ZNF420: variants seen among roughly 807,000 people sequenced by gnomAD.
ZNF420 encodes the protein ATM and p53-associated KZNF protein.
ZNF420 carries 31 observed loss-of-function variants against 44.7 expected under a neutral mutation model. The observed-to-expected ratio is 0.69, with a 90% CI of 0.52 to 0.94. The LOEUF is 0.94. ZNF420 is among the 40% of genes least tolerant of loss of function. The probability of loss-of-function intolerance (pLI) is 0.00; values close to 1 mark genes in which losing one functional copy is unlikely to be tolerated. For synonymous variants in ZNF420, 245 were observed against 267.4 expected, an observed-to-expected ratio of 0.92 and a Z score of 0.82; for missense variants, 681 against 827.9, an observed-to-expected ratio of 0.82 and a Z score of 2.18.
intron 1 of ZNF420, among the ~76,000 whole-genome samples, chr19:37,012,912 T>G (rs2074582960): frequency 6.6e-6 from 1 of 152,034 alleles, no homozygotes; most frequent in Non-Finnish European, 1.5e-5. Context: ...GACGAAAATG[T>G]CTTGTGCACC....
intron 1 of ZNF420, among the ~76,000 whole-genome samples, chr19:37,014,569 C>T (rs183755504): frequency 6.6e-6 from 1 of 152,202 alleles, no homozygotes; most frequent in African/African-American, 2.4e-5. Flanking sequence ...TTGTCGCAAG[C>T]AGCCTCCTCC....
At chr19:37,111,285 T>C (rs1970375429) in intron 4 of ZNF420, among the ~76,000 whole-genome samples, 1 of 152,228 alleles carries the variant, frequency 6.6e-6, no homozygotes, top group Non-Finnish European at 1.5e-5. Context: ...CGGGTTAATA[T>C]TCTTTTACTA....
At position 37,130,025 on chromosome 19, in the gene ZNF420, T is replaced by G. The variant is rs181560082; in HGVS notation, c.*967T>G. The G allele has an allele frequency of 1.0e-5, 16 of 1,531,258 alleles. No individual in the cohort carries two copies. The African/African-American group carries it at 2.2e-4, about 21-fold the overall frequency. 94.9% of individuals were successfully genotyped at this position (1,531,258 alleles called of 1,614,324 possible). ...CTTTTTTAGTAACAAATTTCTGGGC[T>G]GAAAATCTCAGCCTTCCTTGCAGGT... On this transcript the variant is annotated 3_prime_UTR_variant, in exon 5 of 5. Coordinates refer to ENST00000337995, the MANE Select transcript of ZNF420 (RefSeq NM_144689.5).
At chr19:37,081,108 A>C (rs1009472672) in intron 2 of ZNF420, among the ~76,000 whole-genome samples, 3 of 150,724 alleles carry the variant, frequency 2.0e-5, no homozygotes, top group African/African-American at 7.3e-5. Context: ...CATTTATTCT[A>C]CCTTCAGTTC....
chr19:37,110,031 G>C (rs1431271702), intron 4 of ZNF420, among the ~76,000 whole-genome samples: 8 of 152,134 alleles, frequency 5.3e-5, no homozygotes, highest in Admixed American at 5.2e-4. Context: ...CCTGTTGTAT[G>C]TGTAATTTTC....
At chr19:37,045,474 AC>A (rs1049020673) in intron 1 of ZNF420, among the ~76,000 whole-genome samples, 1 of 152,206 alleles carries the variant, frequency 6.6e-6, no homozygotes, top group Non-Finnish European at 1.5e-5. Context: ...GCATCCTATG[AC>A]CTCAGGCTGA....
chr19:37,015,148 CTGTG>C (rs201500365), intron 1 of ZNF420, among the ~76,000 whole-genome samples: 6 of 152,174 alleles, frequency 3.9e-5, no homozygotes, highest in Non-Finnish European at 8.8e-5. Context: ...GTGTTTCTTT[CTGTG>C]TGTGTGTGGT....
At chr19:37,090,205 C>A (rs1328387394) in intron 3 of ZNF420, among the ~76,000 whole-genome samples, 1 of 152,110 alleles carries the variant, frequency 6.6e-6, no homozygotes, top group Non-Finnish European at 1.5e-5. Flanking sequence ...GTTCTGTATG[C>A]AGAAAATATG....
intron 4 of ZNF420, chr19:37,092,516 C>G (rs1056266255): frequency 6.6e-6 from 1 of 152,020 alleles, no homozygotes; most frequent in Non-Finnish European, 1.5e-5. Context: ...AGTTCGAGAC[C>G]AGCCTGACCA....
chr19:37,026,387 C>A (rs7255241), intron 1 of ZNF420, among the ~76,000 whole-genome samples: 48,548 of 149,332 alleles, frequency 0.33, 8,052 homozygotes, highest in Non-Finnish European at 0.35. Context: ...ATGGGGTGAT[C>A]TGGGCTCACT....
At chr19:37,083,505 A>G (rs1209501884) in intron 2 of ZNF420, among the ~76,000 whole-genome samples, 1 of 152,170 alleles carries the variant, frequency 6.6e-6, no homozygotes, top group Non-Finnish European at 1.5e-5. Context: ...TTTCTTTTAA[A>G]CTATTATTAT....
intron 1 of ZNF420, among the ~76,000 whole-genome samples, chr19:37,064,618 A>G (rs1967934339): frequency 6.6e-6 from 1 of 152,206 alleles, no homozygotes; most frequent in South Asian, 2.1e-4. Flanking sequence ...TATGAAACAT[A>G]TTTGATCAGT....
At chr19:37,050,784 T>C (rs535805615) in intron 1 of ZNF420, among the ~76,000 whole-genome samples, 1 of 152,352 alleles carries the variant, frequency 6.6e-6, no homozygotes, top group East Asian at 1.9e-4. Flanking sequence ...GGCATCCCTG[T>C]CTTGTGCCAG....
chr19:37,025,719 C>T (rs1967143876), intron 1 of ZNF420, among the ~76,000 whole-genome samples: 1 of 151,242 alleles, frequency 6.6e-6, no homozygotes, highest in Non-Finnish European at 1.5e-5. Context: ...AGCCTGTCTC[C>T]TTAATTTTAC....
intron 2 of ZNF420, among the ~76,000 whole-genome samples, chr19:37,081,803 C>T (rs1263248766): frequency 1.3e-5 from 2 of 150,316 alleles, no homozygotes; most frequent in African/African-American, 4.9e-5. Context: ...ACCTCGGCCT[C>T]CCAAAGTGCA....
chr19:37,104,061 A>G (rs906959593), intron 4 of ZNF420, among the ~76,000 whole-genome samples: 17 of 149,710 alleles, frequency 1.1e-4, no homozygotes, highest in African/African-American at 3.9e-4. Context: ...TACATGTGCC[A>G]TGTTGGTGTA....
At chr19:37,100,203 G>T (rs989866851) in intron 4 of ZNF420, among the ~76,000 whole-genome samples, 4 of 152,142 alleles carry the variant, frequency 2.6e-5, no homozygotes, top group African/African-American at 9.7e-5. Context: ...ATTTACTGAA[G>T]AAAGTATCCT....
rs770589464 is a variant in ZNF420, at chr19:37,128,610, T to C, written c.1619T>C (p.Phe540Ser). The stretch of plus-strand genomic sequence containing the variant: ...GTGTGTAATGAATGTGGAAAGGCCT[T>C]TGCGCGTGGCTTACTACTTATACAA... ...PYVCNECGKA[F>S]ARGLLLIQHQ... The change falls in exon 5 of 5, where the codon TTT (phenylalanine) becomes TCT (serine). Residue 540 changes from phenylalanine to serine, a missense_variant. Coordinates refer to ENST00000337995, the MANE Select transcript of ZNF420 (RefSeq NM_144689.5). 2 of 1,613,804 alleles carry C rather than the reference T, an allele frequency of 1.2e-6. No individual in the cohort carries two copies. The highest frequency in any genetic ancestry group is 1.7e-6 in the Non-Finnish European group (2 of 1,179,866).
chr19:37,119,547 C>T (rs1174867090), intron 4 of ZNF420, among the ~76,000 whole-genome samples: 1 of 151,882 alleles, frequency 6.6e-6, no homozygotes, highest in Non-Finnish European at 1.5e-5. Context: ...CACCCTAACA[C>T]CACAATTAAA....
Sources: gnomAD v4.1 joint callset for allele counts (sites outside exome capture counted in the v4.1 genomes callset) on GRCh38, gnomAD v4.1.1 for gene constraint, MANE v1.5 for transcripts, NCBI Gene and HGNC (gene_info 2026-07-23, HGNC 2026-07-21) for gene names.